The following RAB8B variants were observed in gnomAD, a reference collection of about 807,000 sequenced individuals.
RAB8B encodes the protein ras-related protein Rab-8B.
RAB8B carries 11 observed loss-of-function variants against 32.0 expected under a neutral mutation model. The ratio of observed to expected loss-of-function variants is 0.34; its 90% CI spans 0.22 to 0.57. The LOEUF (loss-of-function observed/expected upper bound fraction) is 0.57. Ranked by LOEUF, RAB8B falls within the 20% of genes least tolerant of loss-of-function variation. The probability of loss-of-function intolerance (pLI) is 0.86; values close to 1 mark genes in which losing one functional copy is unlikely to be tolerated. For synonymous variants in RAB8B, 103 were observed against 89.6 expected (o/e 1.15, Z -0.85); for missense variants, 190 against 258.5 (o/e 0.73, Z 1.82).
At chr15:63,236,374 A>G (rs1727183880) in intron 1 of RAB8B, among the ~76,000 whole-genome samples, 2 of 152,164 alleles carry the variant, frequency 1.3e-5, no homozygotes, top group South Asian at 4.1e-4. Flanking sequence ...CTTTAAAACC[A>G]TCAAAAAATG....
chr15:63,240,734 AG>A (rs1452595393), intron 1 of RAB8B, among the ~76,000 whole-genome samples: 1 of 149,392 alleles, frequency 6.7e-6, no homozygotes, highest in African/African-American at 2.5e-5. Context: ...AAAACCTTTG[AG>A]TAGTGAAAAG....
intron 1 of RAB8B, among the ~76,000 whole-genome samples, chr15:63,195,792 G>A (rs2037595193): frequency 6.6e-6 from 1 of 152,202 alleles, no homozygotes; most frequent in Admixed American, 6.5e-5. Context: ...GAAGAGGGTT[G>A]GGGGTGAGGA....
intron 2 of RAB8B, among the ~76,000 whole-genome samples, chr15:63,247,831 A>G (rs1248748283): frequency 6.6e-6 from 1 of 152,204 alleles, no homozygotes; most frequent in Non-Finnish European, 1.5e-5. Flanking sequence ...TCGAGGGCAT[A>G]TGTGATGAAG....
intron 1 of RAB8B, among the ~76,000 whole-genome samples, chr15:63,217,247 T>C (rs2037800550): frequency 6.6e-6 from 1 of 152,230 alleles, no homozygotes; most frequent in Admixed American, 6.5e-5. Flanking sequence ...ATAAGCGTAA[T>C]GGAGTTAGGA....
intron 1 of RAB8B, among the ~76,000 whole-genome samples, chr15:63,236,233 A>G (rs16946686): frequency 0.057 from 8,698 of 152,288 alleles, 772 homozygotes; most frequent in African/African-American, 0.19. Flanking sequence ...TCAGGAAAGC[A>G]AAATCTGTTA....
intron 1 of RAB8B, among the ~76,000 whole-genome samples, chr15:63,216,222 TAATTA>T (rs1262134285): frequency 3.4e-5 from 5 of 147,192 alleles, no homozygotes; most frequent in South Asian, 2.2e-4. Context: ...ATTAATTAAT[TAATTA>T]ATTATTATTT....
chr15:63,235,112 G>A (rs1408462377), intron 1 of RAB8B, among the ~76,000 whole-genome samples: 2 of 148,784 alleles, frequency 1.3e-5, no homozygotes, highest in Admixed American at 1.4e-4. Flanking sequence ...ATTCATTAAT[G>A]GTAGTGGAAA....
At chr15:63,235,648 T>C (rs1283938769) in intron 1 of RAB8B, among the ~76,000 whole-genome samples, 2 of 150,254 alleles carry the variant, frequency 1.3e-5, no homozygotes, top group African/African-American at 4.9e-5. Context: ...ACTGTAATTA[T>C]ACATGGATAT....
At chr15:63,200,802 C>T (rs1303652419) in intron 1 of RAB8B, among the ~76,000 whole-genome samples, 1 of 152,212 alleles carries the variant, frequency 6.6e-6, no homozygotes. Flanking sequence ...TGACATTGAG[C>T]ATTTGTTTTT....
intron 1 of RAB8B, among the ~76,000 whole-genome samples, chr15:63,205,460 T>C (rs1445724873): frequency 6.6e-6 from 1 of 152,088 alleles, no homozygotes; most frequent in Non-Finnish European, 1.5e-5. Context: ...ATGGCACCAT[T>C]GTACTCCAGC....
At chr15:63,190,036 G>A (rs1040156997) in intron 1 of RAB8B, among the ~76,000 whole-genome samples, 1 of 151,766 alleles carries the variant, frequency 6.6e-6, no homozygotes, top group African/African-American at 2.4e-5. Context: ...GAGAGGGTTC[G>A]GAGACTGACA....
intron 1 of RAB8B, among the ~76,000 whole-genome samples, chr15:63,191,205 A>C (rs1216258924): frequency 6.6e-6 from 1 of 152,208 alleles, no homozygotes; most frequent in African/African-American, 2.4e-5. Flanking sequence ...ATATTTCACC[A>C]TGAATTTCTG....
chr15:63,246,282 A>C (rs530977165), intron 2 of RAB8B, among the ~76,000 whole-genome samples: 9 of 152,166 alleles, frequency 5.9e-5, no homozygotes, highest in Non-Finnish European at 1.3e-4. Context: ...GCACTCAAAA[A>C]GTTTTGGATT....
At chr15:63,219,132 C>G (rs1307455177) in intron 1 of RAB8B, among the ~76,000 whole-genome samples, 1 of 150,202 alleles carries the variant, frequency 6.7e-6, no homozygotes, top group Admixed American at 6.7e-5. Context: ...AACCCCGTCT[C>G]CACTAAAATA....
intron 1 of RAB8B, among the ~76,000 whole-genome samples, chr15:63,238,915 A>T (rs1381014313): frequency 6.6e-6 from 1 of 152,196 alleles, no homozygotes; most frequent in Non-Finnish European, 1.5e-5. Context: ...ATGAAGGAAA[A>T]CTTGTTGGAG....
At chr15:63,227,618 T>C (rs188203398) in intron 1 of RAB8B, among the ~76,000 whole-genome samples, 14 of 152,336 alleles carry the variant, frequency 9.2e-5, no homozygotes, top group South Asian at 8.3e-4. Flanking sequence ...TATGGAAACA[T>C]TCTGGCTCTG....
chr15:63,201,297 G>C (rs2037647372), intron 1 of RAB8B, among the ~76,000 whole-genome samples: 1 of 152,224 alleles, frequency 6.6e-6, no homozygotes, highest in Non-Finnish European at 1.5e-5. Context: ...GGTCGAGGAA[G>C]GGCTCTAGGA....
chr15:63,223,596 G>A (rs1003282574), intron 1 of RAB8B, among the ~76,000 whole-genome samples: 16 of 152,184 alleles, frequency 1.1e-4, no homozygotes, highest in Non-Finnish European at 2.4e-4. Context: ...TGTAGTACAT[G>A]CTATGATGTT....
At chr15:63,199,739 C>T (rs369955357) in intron 1 of RAB8B, among the ~76,000 whole-genome samples, 10 of 151,942 alleles carry the variant, frequency 6.6e-5, no homozygotes, top group African/African-American at 2.2e-4. Context: ...TGCACTACCA[C>T]GCCCAGCCAA....
Sources: allele counts gnomAD v4.1 joint callset (sites outside exome capture counted in the v4.1 genomes callset), GRCh38; gene constraint gnomAD v4.1.1; transcripts MANE v1.5; gene names NCBI Gene and HGNC (gene_info 2026-07-23, HGNC 2026-07-21).